STK39: variants seen among roughly 807,000 people sequenced by gnomAD.
STK39 encodes serine/threonine kinase 39.
Under a neutral mutation model 77.8 loss-of-function variants are expected in STK39, and 20 were observed. The observed-to-expected ratio is 0.26, with a 90% confidence interval of 0.18 to 0.37. The LOEUF is 0.37. STK39 is among the 10% of genes least tolerant of loss of function. STK39 has a pLI of 1.00. For synonymous variants in STK39, 246 were observed against 234.1 expected (o/e 1.05, Z -0.47); for missense variants, 479 against 656.5 (o/e 0.73, Z 2.95).
chr2:168,045,530 C>A (rs1255736834), intron 14 of STK39, among the ~76,000 whole-genome samples: 2 of 152,134 alleles, frequency 1.3e-5, no homozygotes, highest in Non-Finnish European at 2.9e-5. Flanking sequence ...TTTTCTTAAA[C>A]CAAAATATAA....
intron 14 of STK39, among the ~76,000 whole-genome samples, chr2:168,045,494 C>CA (rs1357670865): frequency 6.6e-6 from 1 of 152,096 alleles, no homozygotes; most frequent in Non-Finnish European, 1.5e-5. Context: ...TATGGTTATT[C>CA]AATATTTTCT....
At chr2:168,117,939 T>C (rs185959497) in intron 10 of STK39, among the ~76,000 whole-genome samples, 1 of 151,632 alleles carries the variant, frequency 6.6e-6, no homozygotes, top group Admixed American at 6.6e-5. Flanking sequence ...TATAGTAGAG[T>C]TTTGACAAGA....
At chr2:167,967,334 T>G (rs1692184946) in intron 16 of STK39, among the ~76,000 whole-genome samples, 1 of 152,164 alleles carries the variant, frequency 6.6e-6, no homozygotes, top group Admixed American at 6.5e-5. Flanking sequence ...ACCAATAATA[T>G]GCACTGAGGC....
chr2:167,966,337 C>G (rs1416714600), intron 16 of STK39, among the ~76,000 whole-genome samples: 1 of 152,212 alleles, frequency 6.6e-6, no homozygotes. Context: ...CAGTATTTAT[C>G]ATGTCAGGGC....
rs537577117 is a variant in STK39, at chr2:168,247,286, C to CGCCGGG, written c.144_149dup (p.Pro49_Ala50dup). ...AGATGGGCCAGCCGACAGCCTGTGC[C>CGCCGGG]GCCGGGGCCGGGGCCGGGGCCGGGG... On this transcript the variant is annotated inframe_insertion, in exon 1 of 18. Coordinates refer to ENST00000355999, the MANE Select transcript of STK39 (RefSeq NM_013233.3). 0.67 allele frequency: 670,933 copies of CGCCGGG among 1,006,450 alleles called. 245,814 individuals are homozygous for CGCCGGG. Among genetic ancestry groups the CGCCGGG allele is most frequent in the Non-Finnish European group, 0.72 (599,132 of 833,830 alleles). The allele number at this position is 1,006,450 out of a possible 1,614,324, so 62.3% of individuals were successfully genotyped here.
chr2:168,215,241 G>A (rs1048085884), intron 1 of STK39, among the ~76,000 whole-genome samples: 1 of 152,074 alleles, frequency 6.6e-6, no homozygotes, highest in Non-Finnish European at 1.5e-5. Context: ...AAATGGCCAG[G>A]ACTCCAATCA....
At chr2:168,179,397 T>G (rs1689028179) in intron 2 of STK39, among the ~76,000 whole-genome samples, 1 of 152,176 alleles carries the variant, frequency 6.6e-6, no homozygotes, top group Admixed American at 6.5e-5. Context: ...GTAAATTCTA[T>G]TTATTTTTGT....
chr2:168,227,081 A>C (rs996156336), intron 1 of STK39, among the ~76,000 whole-genome samples: 7 of 152,226 alleles, frequency 4.6e-5, no homozygotes, highest in African/African-American at 1.7e-4. Context: ...TAAAATACCC[A>C]AGTAATATAT....
chr2:167,999,706 C>T (rs1683945583), intron 16 of STK39, among the ~76,000 whole-genome samples: 1 of 152,132 alleles, frequency 6.6e-6, no homozygotes, highest in Non-Finnish European at 1.5e-5. Flanking sequence ...TCATGATCCA[C>T]CCACCTCGGC....
chr2:168,083,228 C>CT (rs542073949), intron 10 of STK39, among the ~76,000 whole-genome samples: 4,037 of 138,486 alleles, frequency 0.029, 83 homozygotes, highest in Middle Eastern at 0.064. Context: ...CCACATTCTC[C>CT]TTTTTTTTTT....
At chr2:167,964,386 G>C in intron 17 of STK39, 1 of 339,852 alleles carries the variant, frequency 2.9e-6, no homozygotes, top group South Asian at 4.4e-5. Flanking sequence ...CAAACTGCAA[G>C]CAAAATGATC....
intron 10 of STK39, among the ~76,000 whole-genome samples, chr2:168,083,288 A>G (rs1159103815): frequency 6.8e-6 from 1 of 147,254 alleles, no homozygotes; most frequent in Non-Finnish European, 1.5e-5. Flanking sequence ...TTTTGCCTAT[A>G]CCTCTATGTC....
chr2:167,979,497 G>A (rs919321184), intron 16 of STK39, among the ~76,000 whole-genome samples: 1 of 152,158 alleles, frequency 6.6e-6, no homozygotes, highest in African/African-American at 2.4e-5. Context: ...GGTCTTAAAC[G>A]TTCCCATAAA....
intron 1 of STK39, among the ~76,000 whole-genome samples, chr2:168,234,731 T>C (rs1271829681): frequency 3.3e-5 from 5 of 152,218 alleles, no homozygotes; most frequent in Non-Finnish European, 7.3e-5. Flanking sequence ...ACATGTTACA[T>C]AAACATGCCC....
chr2:168,065,509 T>C, intron 12 of STK39, 128 bp from the exon 13 acceptor site: 1 of 949,316 alleles, frequency 1.1e-6, no homozygotes, highest in Non-Finnish European at 1.6e-6. Context: ...TTTACCAAAG[T>C]GTGGCTCTTT....
At chr2:168,155,106 G>A (rs1200475160) in intron 5 of STK39, among the ~76,000 whole-genome samples, 1 of 152,136 alleles carries the variant, frequency 6.6e-6, no homozygotes, top group African/African-American at 2.4e-5. Flanking sequence ...ACACTCTTCT[G>A]TGAAGCTCAA....
chr2:167,997,434 A>G (rs530890564), intron 16 of STK39, among the ~76,000 whole-genome samples: 1 of 152,270 alleles, frequency 6.6e-6, no homozygotes, highest in East Asian at 1.9e-4. Context: ...TGCCTCCTGG[A>G]GGCCAGGCAT....
At chr2:168,067,924 G>C (rs1685836649) in intron 12 of STK39, among the ~76,000 whole-genome samples, 1 of 152,176 alleles carries the variant, frequency 6.6e-6, no homozygotes. Flanking sequence ...GGGGTTAATA[G>C]ACTCGCAGGT....
At chr2:168,034,116 G>A (rs1001347006) in intron 14 of STK39, among the ~76,000 whole-genome samples, 29 of 152,146 alleles carry the variant, frequency 1.9e-4, no homozygotes, top group Non-Finnish European at 1.5e-5. Flanking sequence ...TGCTAACAAT[G>A]AACCCAACAT....
Sources: allele counts gnomAD v4.1 joint callset (sites outside exome capture counted in the v4.1 genomes callset), GRCh38; gene constraint gnomAD v4.1.1; transcripts MANE v1.5; gene names NCBI Gene and HGNC (gene_info 2026-07-23, HGNC 2026-07-21).